Variants in SYT1 observed in about 807,000 individuals in gnomAD.
SYT1 encodes the protein synaptotagmin-1.
A neutral mutation model predicts 44.8 loss-of-function variants in SYT1; 8 were observed. The observed-to-expected ratio is 0.18, with a 90% CI of 0.10 to 0.32. SYT1 has a LOEUF of 0.32. Ranked by LOEUF, SYT1 falls within the 10% of genes least tolerant of loss-of-function variation. SYT1 has a pLI of 1.00. For synonymous variants in SYT1, 154 were observed against 188.8 expected, an observed-to-expected ratio of 0.82 and a Z score of 1.51; for missense variants, 286 against 509.3, an observed-to-expected ratio of 0.56 and a Z score of 4.22.
intron 4 of SYT1, among the ~76,000 whole-genome samples, chr12:79,281,409 A>G (rs1036648145): frequency 1.3e-5 from 2 of 152,212 alleles, no homozygotes; most frequent in African/African-American, 4.8e-5. Context: ...GGAGGCTATT[A>G]TCCTAAGTGA....
At chr12:78,892,269 A>C (rs1353545651) in intron 1 of SYT1, among the ~76,000 whole-genome samples, 1 of 151,800 alleles carries the variant, frequency 6.6e-6, no homozygotes, top group African/African-American at 2.4e-5. Flanking sequence ...CATGAAAACA[A>C]CCTACCTACT....
Position 79,137,853 on chromosome 12 carries a change from T to G in SYT1, c.-17-79650T>G, listed in dbSNP as rs544301397. ...TGGTATTCATGTATATGAGCCTGCT[T>G]TTGTATTGACAGTGGATATTTCTTC... On this transcript the variant is annotated intron_variant, in intron 3 of 10. Coordinates refer to ENST00000261205, the MANE Select transcript of SYT1 (RefSeq NM_005639.3). Among the ~76,000 whole-genome samples the G allele has an allele frequency of 2.0e-5, 3 of 152,300 alleles. No homozygotes were observed. The South Asian group carries it at 6.2e-4, about 32-fold the overall frequency.
Position 79,259,564 on chromosome 12 carries a change from C to G in SYT1, c.167-26223C>G, listed in dbSNP as rs1186425174. On this transcript the variant is annotated intron_variant, in intron 4 of 10. Coordinates refer to ENST00000261205, the MANE Select transcript of SYT1 (RefSeq NM_005639.3). ...CCTGGGCAACATATGGAGACCCCAT[C>G]TCTATAAAAAAATAAAAATATTAGC... Among the ~76,000 whole-genome samples the G allele has an allele frequency of 3.3e-5, 5 of 152,076 alleles. No individual in the cohort carries two copies. The East Asian group carries it at 9.7e-4, about 29-fold the overall frequency.
chr12:79,245,390 G>T (rs1357673662), intron 4 of SYT1, among the ~76,000 whole-genome samples: 1 of 148,962 alleles, frequency 6.7e-6, no homozygotes, highest in Non-Finnish European at 1.5e-5. Flanking sequence ...CAGGAGAATG[G>T]CGAGAACCCG....
chr12:78,992,247 C>T lies in SYT1; in HGVS notation c.-84+14316C>T, dbSNP rs562801547. Among the ~76,000 whole-genome samples the T allele has an allele frequency of 9.7e-4, 148 of 152,292 alleles. 2 individuals are homozygous for T. Among genetic ancestry groups the T allele is most frequent in the East Asian group, 9.6e-4 (5 of 5,182 alleles). ...TAGGCAAAGTGACTAAGCTCTCCAA[C>T]GTATTGTCCTTTATACACAATAATT... On this transcript the variant is annotated intron_variant, in intron 2 of 10. Coordinates refer to ENST00000261205, the MANE Select transcript of SYT1 (RefSeq NM_005639.3).
At chr12:79,427,228 A>T (rs913093046) in intron 9 of SYT1, among the ~76,000 whole-genome samples, 2 of 152,220 alleles carry the variant, frequency 1.3e-5, no homozygotes, top group African/African-American at 4.8e-5. Flanking sequence ...CCTGATGAGA[A>T]GCTCAGGGAG....
At chr12:79,082,762 G>A (rs1036049264) in intron 3 of SYT1, among the ~76,000 whole-genome samples, 3 of 152,076 alleles carry the variant, frequency 2.0e-5, no homozygotes, top group Non-Finnish European at 4.4e-5. Context: ...AGCCAAGGAA[G>A]AGGCAGGGAC....
At position 79,315,216 on chromosome 12, in the gene SYT1, A is replaced by T. The variant is rs182955949; in HGVS notation, c.810+15665A>T. Among the ~76,000 whole-genome samples the T allele has an allele frequency of 3.5e-3, 536 of 151,702 alleles. 1 individual carries two copies. Among genetic ancestry groups the T allele is most frequent in the Non-Finnish European group, 5.4e-3 (366 of 67,974 alleles). On this transcript the variant is annotated intron_variant, in intron 8 of 10. Transcript: ENST00000261205. Reference sequence around the variant, plus strand: ...TATTATTTTTATATTAAATACAATTAAAAAAATTATTTGAGACAGGGTCTC... The same window carrying T: ...TATTATTTTTATATTAAATACAATTTAAAAAATTATTTGAGACAGGGTCTC...
chr12:79,330,647 C>G (rs983225921), intron 8 of SYT1, among the ~76,000 whole-genome samples: 7 of 152,158 alleles, frequency 4.6e-5, no homozygotes, highest in African/African-American at 1.7e-4. Context: ...AGAAGCTGTT[C>G]CATAAGTGAT....
At chr12:79,332,957 A>G (rs924845439) in intron 8 of SYT1, among the ~76,000 whole-genome samples, 1 of 152,212 alleles carries the variant, frequency 6.6e-6, no homozygotes, top group Non-Finnish European at 1.5e-5. Flanking sequence ...TATCCAGTAG[A>G]TGCAACATGT....
chr12:79,083,363 T>C (rs1401793146), intron 3 of SYT1, among the ~76,000 whole-genome samples: 1 of 152,154 alleles, frequency 6.6e-6, no homozygotes, highest in Non-Finnish European at 1.5e-5. Context: ...TTGAACAGGC[T>C]TATGAGCTAT....
At chr12:79,092,851 C>A (rs1381247415) in intron 3 of SYT1, among the ~76,000 whole-genome samples, 1 of 151,688 alleles carries the variant, frequency 6.6e-6, no homozygotes, top group Non-Finnish European at 1.5e-5. Flanking sequence ...CAAAAACTTA[C>A]AATAGCCATG....
chr12:79,350,411 C>A (rs1421445845), intron 8 of SYT1, among the ~76,000 whole-genome samples: 1 of 152,030 alleles, frequency 6.6e-6, no homozygotes, highest in African/African-American at 2.4e-5. Flanking sequence ...CGCCACCATG[C>A]CCGGCTAATT....
Position 79,074,941 on chromosome 12 carries a change from A to G in SYT1, c.-18+27579A>G, listed in dbSNP as rs74110126. Among the ~76,000 whole-genome samples, 1,446 of 152,268 alleles carry G rather than the reference A, an allele frequency of 9.5e-3. 31 individuals are homozygous for G. Among genetic ancestry groups the G allele is most frequent in the African/African-American group, 0.032 (1,347 of 41,548 alleles). ...TTTTACTTCTTGTTTTCCATGCAGT[A>G]GGAATATAACCAAAAAATACTATGT... On this transcript the variant is annotated intron_variant, in intron 3 of 10. Coordinates refer to ENST00000261205, the MANE Select transcript of SYT1 (RefSeq NM_005639.3).
chr12:79,419,415 C>T (rs1186089307), intron 9 of SYT1: 1 of 397,908 alleles, frequency 2.5e-6, no homozygotes, highest in African/African-American at 2.1e-5. Flanking sequence ...CAGTATCCGG[C>T]AGCAGGTCAG....
intron 1 of SYT1, among the ~76,000 whole-genome samples, chr12:78,948,747 G>A (rs993985924): frequency 1.3e-5 from 2 of 151,610 alleles, no homozygotes; most frequent in East Asian, 1.9e-4. Context: ...AACTGAACAC[G>A]TTAGCATTTT....
chr12:79,150,653 G>A (rs1291411584), intron 3 of SYT1, among the ~76,000 whole-genome samples: 1 of 152,176 alleles, frequency 6.6e-6, no homozygotes, highest in Non-Finnish European at 1.5e-5. Flanking sequence ...AAAACAAGAT[G>A]ATAGTCATGC....
intron 3 of SYT1, among the ~76,000 whole-genome samples, chr12:79,160,950 G>A (rs1401218029): frequency 6.6e-6 from 1 of 152,092 alleles, no homozygotes; most frequent in East Asian, 1.9e-4. Context: ...TTATAAGACT[G>A]GGCCAGGCGC....
At chr12:79,305,152 A>G (rs1441023047) in intron 8 of SYT1, among the ~76,000 whole-genome samples, 1 of 152,218 alleles carries the variant, frequency 6.6e-6, no homozygotes, top group African/African-American at 2.4e-5. Flanking sequence ...TTTCTGGTTA[A>G]AAAGACTTTT....
Sources: gnomAD v4.1 joint callset for allele counts (sites outside exome capture counted in the v4.1 genomes callset) on GRCh38, gnomAD v4.1.1 for gene constraint, MANE v1.5 for transcripts, NCBI Gene and HGNC (gene_info 2026-07-23, HGNC 2026-07-21) for gene names.